NUDT14: variants seen among roughly 807,000 people sequenced by gnomAD.
NUDT14 encodes nudix hydrolase 14.
NUDT14 carries 22 observed loss-of-function variants against 17.5 expected under a neutral mutation model. That is an observed-to-expected ratio of 1.26 (90% CI 0.90 to 1.80). The LOEUF is 1.80. Among genes scored for constraint, NUDT14 ranks in the 40% most tolerant of loss-of-function variants. NUDT14 has a pLI of 0.00. For missense variants in NUDT14, 296 were observed against 295.6 expected, an observed-to-expected ratio of 1.00 and a Z score of -0.01; for synonymous variants, 129 against 125.8, an observed-to-expected ratio of 1.03 and a Z score of -0.17.
intron 1 of NUDT14, among the ~76,000 whole-genome samples, chr14:105,178,823 G>T (rs762865176): frequency 2.6e-5 from 4 of 152,220 alleles, no homozygotes; most frequent in Non-Finnish European, 5.9e-5. Flanking sequence ...ACTCTGGGCA[G>T]GCAGAGGCGC....
At chr14:105,177,199 T>A in intron 2 of NUDT14, 172 bp from the exon 3 acceptor site, 1 of 668,860 alleles carries the variant, frequency 1.5e-6, no homozygotes, top group Non-Finnish European at 2.7e-6. Context: ...ACCAGAGCTT[T>A]CCAGGGTCAC....
intron 2 of NUDT14, 152 bp from the exon 3 acceptor site, chr14:105,177,179 C>T: frequency 1.4e-6 from 1 of 706,742 alleles, no homozygotes; most frequent in African/African-American, 1.7e-5. Flanking sequence ...ATGGCTGAGG[C>T]CCAGGCGGGA....
chr14:105,173,270 T>C lies in NUDT14; in HGVS notation c.429-9A>G, dbSNP rs375205278. The C allele has an allele frequency of 9.6e-5, 146 of 1,513,258 alleles. No homozygotes were observed. Among genetic ancestry groups the C allele is most frequent in the South Asian group, 1.5e-4 (11 of 75,278 alleles). The allele number at this position is 1,513,258 out of a possible 1,614,324, so 93.7% of individuals were successfully genotyped here. ...TCAGTCCCACTCCAGACCTACGGGT[T>C]GAGACAGGGTCTGCTGAGTCACCCA... On this transcript the variant is annotated splice_polypyrimidine_tract_variant and intron_variant, in intron 4 of 4. Transcript: ENST00000392568. The surrounding 1 kb of genome is among the most constrained non-coding windows in gnomAD (Gnocchi z 4.7).
At chr14:105,175,814 C>A in intron 4 of NUDT14, 1 of 1,037,548 alleles carries the variant, frequency 9.6e-7, no homozygotes, top group South Asian at 2.8e-5. Flanking sequence ...CCCTGAGTGG[C>A]CCATGTGCCA....
intron 2 of NUDT14, 190 bp from the exon 3 acceptor site, chr14:105,177,217 C>T (rs587738389): frequency 1.2e-4 from 82 of 658,546 alleles, no homozygotes; most frequent in Admixed American, 4.2e-4. Flanking sequence ...CACAGTCTGG[C>T]CAGGACCCAG....
Position 105,181,250 on chromosome 14 carries a change from G to C in NUDT14, c.-41C>G, listed in dbSNP as rs959703698. 5.6e-5 allele frequency: 27 copies of C among 480,316 alleles called. No homozygotes were observed. Among genetic ancestry groups the C allele is most frequent in the Non-Finnish European group, 7.6e-5 (27 of 355,148 alleles). The allele number at this position is 480,316 out of a possible 1,614,324, so 29.8% of individuals were successfully genotyped here. ...GGCGGGGGCCGCGAGCTCTGCGGGG[G>C]CCGACACGGGGCGGCGCCCTGTCCC... On this transcript the variant is annotated 5_prime_UTR_variant, in exon 1 of 5. Transcript: ENST00000392568. The surrounding 1 kb of genome is among the most constrained non-coding windows in gnomAD (Gnocchi z 5.0).
chr14:105,175,913 G>T (rs1482613181), intron 4 of NUDT14: 2 of 1,211,972 alleles, frequency 1.7e-6, no homozygotes, highest in African/African-American at 3.2e-5. Context: ...TGCTCAGCTG[G>T]TGGGGGTGGG....
chr14:105,173,591 G>T lies in NUDT14; in HGVS notation c.429-330C>A. 1 of 226,132 alleles carries T rather than the reference G, an allele frequency of 4.4e-6. No individual in the cohort carries two copies. The highest frequency in any genetic ancestry group is 8.6e-6 in the Non-Finnish European group (1 of 115,872). 14.0% of individuals were successfully genotyped at this position (226,132 alleles called of 1,614,324 possible). A position where few individuals can be genotyped will look rare whatever the true frequency, so the allele number is the denominator to read the frequency against. On this transcript the variant is annotated intron_variant, in intron 4 of 4. Transcript: ENST00000392568. This position sits in a 1 kb window ranked among gnomAD's most constrained non-coding sequence, Gnocchi z 4.7. Reference sequence around the variant, plus strand: ...TGGCCCGATCACGAAGCCCTCCAGAGGGTGTTTCAACGCCAGAAAGGGAGA... The same window carrying T: ...TGGCCCGATCACGAAGCCCTCCAGATGGTGTTTCAACGCCAGAAAGGGAGA...
At chr14:105,177,624 TG>T in intron 2 of NUDT14, 67 bp downstream of exon 2, 1 of 1,484,224 alleles carries the variant, frequency 6.7e-7, no homozygotes, top group Non-Finnish European at 9.3e-7. Flanking sequence ...ACCTTCGCCC[TG>T]GGCCCAGTGT....
At chr14:105,174,156 C>A (rs1393156314) in intron 4 of NUDT14, among the ~76,000 whole-genome samples, 1 of 152,134 alleles carries the variant, frequency 6.6e-6, no homozygotes, top group Admixed American at 6.5e-5. Context: ...AGGAAGCCCC[C>A]TCCCTCAGTG....
rs1889215569 is a variant in NUDT14, at chr14:105,176,548, C to G, written c.414G>C (p.Arg138=). ...GYHLAPSDLR[R]VATYWSGVGL... ...GTCCCACTCACCAGTATGTGGCGACCCGGCGCAGATCAGAGGGGGCCAAGT... is the reference window on the plus strand; with the variant it reads ...GTCCCACTCACCAGTATGTGGCGACGCGGCGCAGATCAGAGGGGGCCAAGT... The change falls in exon 4 of 5, where the codon CGG becomes CGC. Residue 138 remains arginine, a synonymous_variant. Coordinates refer to ENST00000392568, the MANE Select transcript of NUDT14 (RefSeq NM_177533.5). The G allele has an allele frequency of 6.2e-7, 1 of 1,612,472 alleles. No individual in the cohort carries two copies. The highest frequency in any genetic ancestry group is 1.3e-5 in the African/African-American group (1 of 74,926).
chr14:105,174,098 C>T (rs1180999682), intron 4 of NUDT14, among the ~76,000 whole-genome samples: 2 of 152,042 alleles, frequency 1.3e-5, no homozygotes, highest in Admixed American at 6.5e-5. Context: ...GGGGTGGCAG[C>T]GAGGTCCTCA....
At chr14:105,177,282 G>GGCAGCTGAGTAGGTCAGGGTGCT (rs1466499190) in intron 2 of NUDT14, 37 of 631,508 alleles carry the variant, frequency 5.9e-5, no homozygotes, top group Non-Finnish European at 9.5e-5. Flanking sequence ...AAGGACACAC[G>GGCAGCTGAGTAGGTCAGGGTGCT]GGCAGCTGAG....
Position 105,172,968 on chromosome 14 carries a change from GCGGGGT to G in NUDT14, c.*47_*52del. Reference sequence around the variant, plus strand: ...GCTATGCAAGCCTTTATTGGGGTCCGCGGGGTGTGGGGTGAGTGGCCAAGACTGGCC... The same window carrying G: ...GCTATGCAAGCCTTTATTGGGGTCCGGTGGGGTGAGTGGCCAAGACTGGCC... On this transcript the variant is annotated 3_prime_UTR_variant, in exon 5 of 5. Coordinates refer to ENST00000392568, the MANE Select transcript of NUDT14 (RefSeq NM_177533.5). The G allele has an allele frequency of 6.9e-7, 1 of 1,446,948 alleles. No homozygotes were observed. The highest frequency in any genetic ancestry group is 1.6e-5 in the South Asian group (1 of 62,938). The allele number at this position is 1,446,948 out of a possible 1,614,324, so 89.6% of individuals were successfully genotyped here.
At position 105,172,968 on chromosome 14, in the gene NUDT14, G is replaced by A. The variant is rs587697296; in HGVS notation, c.*53C>T. On this transcript the variant is annotated 3_prime_UTR_variant, in exon 5 of 5. Transcript: ENST00000392568. ...GCTATGCAAGCCTTTATTGGGGTCC[G>A]CGGGGTGTGGGGTGAGTGGCCAAGA... 8.7e-5 allele frequency: 126 copies of A among 1,446,944 alleles called. 1 individual carries two copies. The Middle Eastern group carries it at 4.3e-3, about 49-fold the overall frequency. 89.6% of individuals were successfully genotyped at this position (1,446,944 alleles called of 1,614,324 possible). A position where few individuals can be genotyped will look rare whatever the true frequency, so the allele number is the denominator to read the frequency against.
In NUDT14 at chr14:105,173,314, C is replaced by T. The variant is rs1889144704; in HGVS notation, c.429-53G>A. 6.9e-7 allele frequency: 1 copy of T among 1,449,494 alleles called. No homozygotes were observed. Among genetic ancestry groups the T allele is most frequent in the African/African-American group, 1.4e-5 (1 of 69,352 alleles). The allele number at this position is 1,449,494 out of a possible 1,614,324, so 89.8% of individuals were successfully genotyped here. A position where few individuals can be genotyped will look rare whatever the true frequency, so the allele number is the denominator to read the frequency against. ...TCACCCACGCTGGCCCCGCTGGCCC[C>T]CTGGCCCTTCTACCACCCTCCAACC... On this transcript the variant is annotated intron_variant, in intron 4 of 4. Coordinates refer to ENST00000392568, the MANE Select transcript of NUDT14 (RefSeq NM_177533.5). This position sits in a 1 kb window ranked among gnomAD's most constrained non-coding sequence, Gnocchi z 4.7.
In NUDT14 at chr14:105,176,615, T is replaced by A. The variant is rs1490797352; in HGVS notation, c.347A>T (p.Glu116Val). The A allele has an allele frequency of 6.2e-7, 1 of 1,612,530 alleles. No individual in the cohort carries two copies. Among genetic ancestry groups the A allele is most frequent in the African/African-American group, 1.3e-5 (1 of 74,884 alleles). The change falls in exon 4 of 5, where the codon GAG (glutamate) becomes GTG (valine). Residue 116 changes from glutamate (E) to valine (V), a missense_variant. Coordinates refer to ENST00000392568, the MANE Select transcript of NUDT14 (RefSeq NM_177533.5). The part of the protein sequence containing the change: ...GLVDQPGLSL[E>V]EVACKEAWEE... ...CCAAGCCTCCTTGCAAGCCACTTCCTCCAGCGAGAGCCCAGGCTGGTCCAC... is the reference window on the plus strand; with the variant it reads ...CCAAGCCTCCTTGCAAGCCACTTCCACCAGCGAGAGCCCAGGCTGGTCCAC...
At chr14:105,175,560 C>A in intron 4 of NUDT14, 1 of 206,506 alleles carries the variant, frequency 4.8e-6, no homozygotes, top group Non-Finnish European at 8.5e-6. Flanking sequence ...TGCCACCACG[C>A]CTGGCTAATT....
intron 4 of NUDT14, among the ~76,000 whole-genome samples, chr14:105,175,132 C>A (rs587724154): frequency 6.6e-6 from 1 of 152,196 alleles, no homozygotes; most frequent in Non-Finnish European, 1.5e-5. Flanking sequence ...GTAGAACCAC[C>A]GCGGCCAGGG....
Sources: allele counts gnomAD v4.1 joint callset (sites outside exome capture counted in the v4.1 genomes callset), GRCh38; gene constraint gnomAD v4.1.1; non-coding constraint Gnocchi (gnomAD v3.1); transcripts MANE v1.5; gene names NCBI Gene and HGNC (gene_info 2026-07-23, HGNC 2026-07-21).